Variants in NINJ2 observed in about 807,000 individuals in gnomAD.
NINJ2 encodes the protein ninjurin 2.
Under a neutral mutation model 11.7 loss-of-function variants are expected in NINJ2, and 12 were observed. The observed-to-expected ratio is 1.02, with a 90% CI of 0.66 to 1.66. NINJ2 has a LOEUF of 1.66. Among genes scored for constraint, NINJ2 ranks in the 40% most tolerant of loss-of-function variants. The probability of loss-of-function intolerance (pLI) is 0.00; values close to 1 mark genes in which losing one functional copy is unlikely to be tolerated. For missense variants in NINJ2, 187 were observed against 181.8 expected (o/e 1.03, Z -0.16); for synonymous variants, 93 against 76.8 (o/e 1.21, Z -1.10).
Position 566,024 on chromosome 12 carries a change from T to C in NINJ2, c.188A>G (p.Tyr63Cys), listed in dbSNP as rs1383654176. ...GCTGATGAGGGTGACCAGGGTGGTG[T>C]AGTAGTGAGAGGATGGTCCCTGCTC... is the stretch of plus-strand genomic sequence containing the variant. ...VLEQGPSSHYYTTLVTLISLS... is the reference protein window; with the variant it reads ...VLEQGPSSHYCTTLVTLISLS... The change falls in exon 2 of 4, where the codon TAC becomes TGC. Residue 63 changes from tyrosine to cysteine, a missense_variant. By Grantham distance (194) the Tyr-to-Cys change is radical. Transcript: ENST00000305108. 1.2e-6 allele frequency: 2 copies of C among 1,613,936 alleles called. No individual in the cohort carries two copies. The highest frequency in any genetic ancestry group is 2.2e-5 in the South Asian group (2 of 91,064).
chr12:604,466 C>T (rs1375926659), intron 1 of NINJ2, among the ~76,000 whole-genome samples: 1 of 152,012 alleles, frequency 6.6e-6, no homozygotes, highest in East Asian at 1.9e-4. Flanking sequence ...GGTGAAACCC[C>T]GTCTCTACTA....
At chr12:612,990 G>A (rs1286156479) in intron 1 of NINJ2, among the ~76,000 whole-genome samples, 1 of 152,172 alleles carries the variant, frequency 6.6e-6, no homozygotes, top group African/African-American at 2.4e-5. Flanking sequence ...CACAGAATCA[G>A]GGTGAAAGGG....
chr12:618,030 C>T (rs192673623), intron 1 of NINJ2, among the ~76,000 whole-genome samples: 103 of 151,938 alleles, frequency 6.8e-4, no homozygotes, highest in African/African-American at 2.2e-3. Flanking sequence ...TTCTGATTTA[C>T]GGATTTAATG....
At chr12:643,050 G>T (rs1373590073) in intron 1 of NINJ2, 1 of 153,094 alleles carries the variant, frequency 6.5e-6, no homozygotes, top group Non-Finnish European at 1.5e-5. Flanking sequence ...CCCCGAGTCG[G>T]CCCGCGGGCT....
chr12:646,958 G>C (rs964251705), intron 1 of NINJ2, among the ~76,000 whole-genome samples: 4 of 152,138 alleles, frequency 2.6e-5, no homozygotes, highest in African/African-American at 9.7e-5. Context: ...TCAGAGACTC[G>C]CTGTTCCAGG....
chr12:644,373 C>T (rs1370545636), intron 1 of NINJ2: 1 of 152,198 alleles, frequency 6.6e-6, no homozygotes, highest in Non-Finnish European at 1.5e-5. Flanking sequence ...GGTGTATTAA[C>T]TAACTCGATC....
intron 1 of NINJ2, among the ~76,000 whole-genome samples, chr12:598,221 C>G (rs928823048): frequency 5.9e-5 from 9 of 152,188 alleles, no homozygotes; most frequent in Admixed American, 2.0e-4. Flanking sequence ...CTGGTATGCG[C>G]AAGGATGTTT....
Position 585,357 on chromosome 12 carries a change from C to G in NINJ2, c.34-19179G>C, listed in dbSNP as rs952132181. Among the ~76,000 whole-genome samples the G allele has an allele frequency of 5.3e-5, 8 of 152,272 alleles. No individual in the cohort carries two copies. The highest frequency in any genetic ancestry group is 1.9e-4 in the African/African-American group (8 of 41,550). ...ATACCAACTTCCGGAATAAACGAGG[C>G]CAAAGGGAAAGAGTAGGTTCGCCGG... On this transcript the variant is annotated intron_variant, in intron 1 of 3. Coordinates refer to ENST00000305108, the MANE Select transcript of NINJ2 (RefSeq NM_016533.6). This position sits in a 1 kb window ranked among gnomAD's most constrained non-coding sequence, Gnocchi z 4.1.
chr12:636,077 A>AAAAT (rs779073007), intron 1 of NINJ2, among the ~76,000 whole-genome samples: 1 of 151,600 alleles, frequency 6.6e-6, no homozygotes, highest in Non-Finnish European at 1.5e-5. Flanking sequence ...ACTCTGTATA[A>AAAAT]AAATAAATAA....
At chr12:615,045 C>T (rs1324175838) in intron 1 of NINJ2, among the ~76,000 whole-genome samples, 1 of 151,970 alleles carries the variant, frequency 6.6e-6, no homozygotes, top group African/African-American at 2.4e-5. Flanking sequence ...GTCGGGAGAG[C>T]GGTTTGTGTG....
intron 1 of NINJ2, among the ~76,000 whole-genome samples, chr12:599,111 G>A (rs1947828949): frequency 6.6e-6 from 1 of 151,946 alleles, no homozygotes; most frequent in East Asian, 1.9e-4. Context: ...GCCGGGTGAG[G>A]TGGATCATGG....
intron 1 of NINJ2, among the ~76,000 whole-genome samples, chr12:584,020 A>G (rs1229501741): frequency 6.6e-6 from 1 of 151,726 alleles, no homozygotes; most frequent in Non-Finnish European, 1.5e-5. Flanking sequence ...TTTTTGCTTT[A>G]TCTGTATTTT....
chr12:644,038 C>T (rs529240221), intron 1 of NINJ2: 96 of 154,948 alleles, frequency 6.2e-4, no homozygotes, highest in African/African-American at 1.8e-3. Context: ...CGGGCCGGCT[C>T]CCAGGGGGCC....
intron 1 of NINJ2, among the ~76,000 whole-genome samples, chr12:577,430 CATATATATAT>C (rs1555161808): frequency 1.1e-5 from 1 of 93,988 alleles, no homozygotes; most frequent in Non-Finnish European, 2.4e-5. Flanking sequence ...TATATATATA[CATATATATAT>C]ATAAATATTT....
At chr12:621,777 A>T (rs1948155431) in intron 1 of NINJ2, among the ~76,000 whole-genome samples, 1 of 148,910 alleles carries the variant, frequency 6.7e-6, no homozygotes. Context: ...AGATTGCGCC[A>T]CTGCACTCCA....
intron 1 of NINJ2, among the ~76,000 whole-genome samples, chr12:631,294 A>G (rs1289483105): frequency 1.3e-5 from 2 of 152,214 alleles, no homozygotes; most frequent in East Asian, 1.9e-4. Flanking sequence ...GGTATGTTCC[A>G]GACATGCGTG....
intron 1 of NINJ2, among the ~76,000 whole-genome samples, chr12:627,399 A>C (rs1277300084): frequency 6.6e-6 from 1 of 152,170 alleles, no homozygotes; most frequent in Non-Finnish European, 1.5e-5. Context: ...CTACTTTCTA[A>C]TTTCTAAATG....
At chr12:609,513 T>G (rs1339489556) in intron 1 of NINJ2, among the ~76,000 whole-genome samples, 1 of 152,080 alleles carries the variant, frequency 6.6e-6, no homozygotes, top group Non-Finnish European at 1.5e-5. Context: ...CTCACGCCTG[T>G]AATCCCAGCA....
intron 1 of NINJ2, among the ~76,000 whole-genome samples, chr12:660,485 C>T (rs977471122): frequency 4.0e-5 from 6 of 151,538 alleles, no homozygotes; most frequent in Non-Finnish European, 7.4e-5. Context: ...GGACTACAGG[C>T]GTACACCACC....
Sources: allele counts gnomAD v4.1 joint callset (sites outside exome capture counted in the v4.1 genomes callset), GRCh38; gene constraint gnomAD v4.1.1; non-coding constraint Gnocchi (gnomAD v3.1); transcripts MANE v1.5; gene names NCBI Gene and HGNC (gene_info 2026-07-23, HGNC 2026-07-21).